The following CABIN1 variants were observed in gnomAD, a reference collection of about 807,000 sequenced individuals.
CABIN1 encodes the protein calcineurin binding protein 1.
In CABIN1, 133 loss-of-function variants were observed where a neutral mutation model predicts 227.7. The observed-to-expected ratio is 0.58, with a 90% confidence interval of 0.51 to 0.67. CABIN1 has a LOEUF of 0.67. CABIN1 is among the 30% of genes least tolerant of loss of function. The pLI is 0.00. For synonymous variants in CABIN1, 1,086 were observed against 1,155.1 expected (o/e 0.94, Z 1.21); for missense variants, 2,408 against 2,852.5 (o/e 0.84, Z 3.55).
chr22:24,120,692 A>G (rs985303105), intron 28 of CABIN1, among the ~76,000 whole-genome samples: 2 of 152,202 alleles, frequency 1.3e-5, no homozygotes, highest in Non-Finnish European at 2.9e-5. Flanking sequence ...ATATGCCTGT[A>G]GTCCCAGCTA....
At position 24,165,607 on chromosome 22, in the gene CABIN1, C is replaced by T. The variant is rs552263560; in HGVS notation, c.4988C>T (p.Thr1663Met). ...CTCACTGTGAAGGTGCTCGAAGACACGCTGAGCGAGCTCGCAGAGGTATGC... is the reference window on the plus strand; with the variant it reads ...CTCACTGTGAAGGTGCTCGAAGACATGCTGAGCGAGCTCGCAGAGGTATGC... Reference protein sequence around the residue: ...FILTVKVLEDTLSELAEGSER... With the variant: ...FILTVKVLEDMLSELAEGSER... Residue 1663 changes from threonine (T) to methionine (M), a missense_variant, in exon 31 of 37, where the codon ACG becomes ATG. This residue lies in a region of CABIN1 where 714 missense variants were observed against 773.8 expected (regional missense o/e 0.92). Coordinates refer to ENST00000263119, the MANE Select transcript of CABIN1 (RefSeq NM_012295.4). The T allele has an allele frequency of 1.8e-5, 29 of 1,612,722 alleles. No homozygotes were observed. The highest frequency in any genetic ancestry group is 1.1e-4 in the East Asian group (5 of 44,884).
intron 33 of CABIN1, among the ~76,000 whole-genome samples, chr22:24,170,959 C>T (rs995587991): frequency 2.0e-5 from 3 of 152,182 alleles, no homozygotes; most frequent in Non-Finnish European, 4.4e-5. Context: ...CACATCACCT[C>T]AAGACATGCT....
intron 1 of CABIN1, among the ~76,000 whole-genome samples, chr22:24,023,177 A>G (rs1056848523): frequency 6.6e-6 from 1 of 152,208 alleles, no homozygotes; most frequent in African/African-American, 2.4e-5. Flanking sequence ...TATTTTACTT[A>G]ACATAGTGTT....
chr22:24,154,119 G>A (rs2045646959), intron 29 of CABIN1, among the ~76,000 whole-genome samples: 1 of 152,200 alleles, frequency 6.6e-6, no homozygotes, highest in Non-Finnish European at 1.5e-5. Context: ...TTTCCAGAGA[G>A]CCACACACTC....
At position 24,067,053 on chromosome 22, in the gene CABIN1, G is replaced by A. The variant is rs1264091348; in HGVS notation, c.2104G>A (p.Ala702Thr). Residue 702 changes from alanine to threonine, a missense_variant, in exon 16 of 37, where the codon GCA becomes ACA. Ala to Thr is a moderately conservative substitution (Grantham distance 58, BLOSUM62 0). Transcript: ENST00000263119. ...SLEEIQRLYE[A>T]GDYKAVVHLL... The stretch of plus-strand genomic sequence containing the variant: ...GGAGGAGATTCAGCGGCTGTATGAA[G>A]CAGGCGACTACAAGGCTGTTGTGCA... The A allele has an allele frequency of 1.1e-5, 17 of 1,614,226 alleles. No individual in the cohort carries two copies. Among genetic ancestry groups the A allele is most frequent in the Non-Finnish European group, 1.4e-5 (17 of 1,180,028 alleles).
rs1401178168 is a variant in CABIN1 at position 24,087,686 on chromosome 22, C to T, written c.3498C>T (p.Gly1166=). Residue 1166 remains glycine, a synonymous_variant, in exon 23 of 37, where the codon GGC becomes GGT. Transcript: ENST00000263119. The part of the protein sequence containing the change: ...FASRQLKQWR[G]ELPPELVQQM... The stretch of plus-strand genomic sequence containing the variant: ...CACGTCAATTGAAGCAGTGGAGAGG[C>T]GAGCTGCCCCCTGAGCTCGTGCAGC... 1.9e-6 allele frequency: 3 copies of T among 1,614,016 alleles called. No individual in the cohort carries two copies. The highest frequency in any genetic ancestry group is 1.1e-5 in the South Asian group (1 of 91,062).
intron 26 of CABIN1, among the ~76,000 whole-genome samples, chr22:24,108,685 C>A (rs2042646690): frequency 6.6e-6 from 1 of 152,312 alleles, no homozygotes; most frequent in South Asian, 2.1e-4. Context: ...TCCCCAAACC[C>A]TGGTATATGA....
intron 29 of CABIN1, among the ~76,000 whole-genome samples, chr22:24,135,695 C>A (rs59229498): frequency 0.041 from 6,276 of 152,294 alleles, 238 homozygotes; most frequent in African/African-American, 0.098. Context: ...TCATACACCC[C>A]CTCTGAGCTT....
chr22:24,056,116 AGATT>A, intron 9 of CABIN1, 72 bp from the exon 10 acceptor site: 1 of 1,210,410 alleles, frequency 8.3e-7, no homozygotes, highest in South Asian at 1.2e-5. Context: ...TAAAAGAGGG[AGATT>A]GATGTGTCTG....
intron 29 of CABIN1, among the ~76,000 whole-genome samples, chr22:24,147,819 T>A (rs1483014619): frequency 6.6e-6 from 1 of 152,196 alleles, no homozygotes; most frequent in Non-Finnish European, 1.5e-5. Flanking sequence ...TGCTTTGTCC[T>A]CGTAGGACAC....
chr22:24,065,432 A>T (rs1206402428), intron 15 of CABIN1, among the ~76,000 whole-genome samples: 5 of 147,844 alleles, frequency 3.4e-5, no homozygotes, highest in Non-Finnish European at 7.4e-5. Flanking sequence ...GGCGCTCCCC[A>T]CATCTCAGAC....
At chr22:24,092,200 G>A (rs1232622056) in intron 24 of CABIN1, among the ~76,000 whole-genome samples, 1 of 152,126 alleles carries the variant, frequency 6.6e-6, no homozygotes, top group African/African-American at 2.4e-5. Context: ...GGGAGGGCAG[G>A]CACCATTGCC....
At chr22:24,046,390 C>T (rs1427138243) in intron 6 of CABIN1, among the ~76,000 whole-genome samples, 1 of 152,126 alleles carries the variant, frequency 6.6e-6, no homozygotes, top group Non-Finnish European at 1.5e-5. Flanking sequence ...ATTTCACTCC[C>T]ACCAGCAGAA....
intron 15 of CABIN1, among the ~76,000 whole-genome samples, chr22:24,066,594 C>G (rs577315047): frequency 6.6e-6 from 1 of 152,186 alleles, no homozygotes; most frequent in Non-Finnish European, 1.5e-5. Flanking sequence ...CTGCATGTAG[C>G]GTATGACAAC....
At chr22:24,052,879 A>G (rs972215897) in intron 8 of CABIN1, among the ~76,000 whole-genome samples, 1 of 151,982 alleles carries the variant, frequency 6.6e-6, no homozygotes, top group Non-Finnish European at 1.5e-5. Flanking sequence ...GGCATGAGCA[A>G]GAGCAAGGCA....
At chr22:24,038,280 A>C in intron 3 of CABIN1, 68 bp from the exon 4 acceptor site, 2 of 1,256,036 alleles carry the variant, frequency 1.6e-6, no homozygotes, top group South Asian at 1.2e-5. Flanking sequence ...CCCGCCTTAC[A>C]CACATTTTTG....
intron 26 of CABIN1, among the ~76,000 whole-genome samples, chr22:24,100,416 G>T (rs567628138): frequency 1.4e-4 from 21 of 152,396 alleles, no homozygotes; most frequent in African/African-American, 4.8e-4. Context: ...GAAGGCCCAG[G>T]TTCCAGGGAG....
At chr22:24,070,078 A>AAAAT (rs2039980875) in intron 16 of CABIN1, among the ~76,000 whole-genome samples, 1 of 152,300 alleles carries the variant, frequency 6.6e-6, no homozygotes, top group African/African-American at 2.4e-5. Flanking sequence ...AAAAAAAAAA[A>AAAAT]AAGGAGCTTT....
At chr22:24,136,566 A>G (rs2044428269) in intron 29 of CABIN1, among the ~76,000 whole-genome samples, 1 of 126,198 alleles carries the variant, frequency 7.9e-6, no homozygotes, top group Admixed American at 8.8e-5. Flanking sequence ...AGGTTTCACC[A>G]TGTTGGCCAG....
Sources: gnomAD v4.1 joint callset for allele counts (sites outside exome capture counted in the v4.1 genomes callset) on GRCh38, gnomAD v4.1.1 for gene constraint, gnomAD v4.1.1 regional missense constraint, MANE v1.5 for transcripts, NCBI Gene and HGNC (gene_info 2026-07-23, HGNC 2026-07-21) for gene names.